The following CPB2 variants were observed in gnomAD, a reference collection of about 807,000 sequenced individuals.
The protein encoded by CPB2 is carboxypeptidase B-like protein.
In CPB2, 54 loss-of-function variants were observed where a neutral mutation model predicts 57.0. The ratio of observed to expected loss-of-function variants is 0.95; its 90% CI spans 0.76 to 1.19. The LOEUF (loss-of-function observed/expected upper bound fraction) is 1.19, where lower values mean the gene tolerates loss of function less well. Among genes scored for constraint, CPB2 ranks in the 50% most tolerant of loss-of-function variants. CPB2 has a pLI of 0.00. For missense variants in CPB2, 426 were observed against 512.0 expected (o/e 0.83, Z 1.62); for synonymous variants, 189 against 178.1 (o/e 1.06, Z -0.49).
chr13:46,095,155 C>G (rs183010589), intron 1 of CPB2, among the ~76,000 whole-genome samples: 1 of 152,222 alleles, frequency 6.6e-6, no homozygotes, highest in Admixed American at 6.5e-5. Context: ...TGGATTCCCC[C>G]ATCATTATTT....
intron 1 of CPB2, among the ~76,000 whole-genome samples, chr13:46,094,651 C>T (rs1041362996): frequency 4.6e-5 from 7 of 152,094 alleles, no homozygotes; most frequent in South Asian, 2.1e-4. Flanking sequence ...GCAGTAAGGT[C>T]GGAGTGGCAG....
At position 46,104,341 on chromosome 13, in the gene CPB2, A is replaced by G. The variant is rs1420404942; in HGVS notation, c.74+595T>C. On this transcript the variant is annotated intron_variant, in intron 1 of 10. Transcript: ENST00000181383. ...ATTACATTACATATACCCTGGAACTATTTTCTCCATGCATTGCATGTGCTA... is the reference window on the plus strand; with the variant it reads ...ATTACATTACATATACCCTGGAACTGTTTTCTCCATGCATTGCATGTGCTA... 2.6e-5 allele frequency among the ~76,000 whole-genome samples: 4 copies of G among 152,174 alleles called. No homozygotes were observed. In the East Asian group the frequency reaches 7.7e-4, roughly 29 times the overall value.
At chr13:46,061,931 A>C (rs2044778324) in intron 8 of CPB2, among the ~76,000 whole-genome samples, 1 of 152,128 alleles carries the variant, frequency 6.6e-6, no homozygotes, top group Non-Finnish European at 1.5e-5. Flanking sequence ...GAAAAGATTA[A>C]ATTCTTCTTT....
intron 5 of CPB2, among the ~76,000 whole-genome samples, chr13:46,074,203 A>G (rs2044986472): frequency 6.7e-6 from 1 of 149,690 alleles, no homozygotes. Context: ...GTTTGAAGCC[A>G]GGACTCTTTG....
chr13:46,057,962 G>A (rs954479358), intron 9 of CPB2, among the ~76,000 whole-genome samples: 3 of 56,026 alleles, frequency 5.4e-5, no homozygotes, highest in African/African-American at 3.1e-4. Context: ...GGAAGCCCAC[G>A]TGCTGAATAA....
intron 3 of CPB2, among the ~76,000 whole-genome samples, chr13:46,083,483 T>G (rs2045151094): frequency 6.6e-6 from 1 of 152,028 alleles, no homozygotes; most frequent in African/African-American, 2.4e-5. Flanking sequence ...GGGCACCCAT[T>G]GATACACAGA....
intron 4 of CPB2, among the ~76,000 whole-genome samples, chr13:46,080,651 G>C (rs1026425780): frequency 6.6e-6 from 1 of 152,084 alleles, no homozygotes; most frequent in South Asian, 2.1e-4. Context: ...TACAGAGAGA[G>C]ACCAGGGATG....
intron 1 of CPB2, among the ~76,000 whole-genome samples, chr13:46,092,068 A>G (rs2045301541): frequency 6.6e-6 from 1 of 152,068 alleles, no homozygotes; most frequent in Non-Finnish European, 1.5e-5. Context: ...TTTTTCTTTT[A>G]TTTTCAAACA....
intron 5 of CPB2, among the ~76,000 whole-genome samples, chr13:46,076,180 T>C (rs1458480910): frequency 1.3e-5 from 2 of 152,074 alleles, no homozygotes; most frequent in Non-Finnish European, 2.9e-5. Context: ...ATAAAAGGCA[T>C]CTAAATTGGA....
chr13:46,063,790 C>G (rs890691899), intron 8 of CPB2, among the ~76,000 whole-genome samples: 2 of 152,088 alleles, frequency 1.3e-5, no homozygotes, highest in Non-Finnish European at 2.9e-5. Flanking sequence ...TCAACATCAT[C>G]GAATGCCTTA....
intron 1 of CPB2, among the ~76,000 whole-genome samples, chr13:46,088,856 A>AT (rs1313343965): frequency 6.6e-6 from 1 of 151,744 alleles, no homozygotes; most frequent in African/African-American, 2.4e-5. Flanking sequence ...ATTTACTTGT[A>AT]TTTTTGTAGT....
At chr13:46,091,437 A>G (rs9534320) in intron 1 of CPB2, among the ~76,000 whole-genome samples, 112,703 of 152,152 alleles carry the variant, frequency 0.74, 41,935 homozygotes, top group East Asian at 0.81. Flanking sequence ...CATGATTCCT[A>G]ATTTTTAAGA....
chr13:46,082,975 AT>A lies in CPB2; in HGVS notation c.276-427del, dbSNP rs964836895. ...TTTTCTTTCTTTTTTTTTTTTTCTT[AT>A]TTTTTCCCCCATTGACCTGCATCAG... On this transcript the variant is annotated intron_variant, in intron 3 of 10. Coordinates refer to ENST00000181383, the MANE Select transcript of CPB2 (RefSeq NM_001872.5). 3.8e-4 allele frequency among the ~76,000 whole-genome samples: 51 copies of A among 134,170 alleles called. 3 individuals are homozygous for A. Among genetic ancestry groups the A allele is most frequent in the Middle Eastern group, 3.8e-3 (1 of 264 alleles). The allele number at this position is 134,170 out of a possible 152,430, so 88.0% of individuals were successfully genotyped here.
rs1358763449 is a variant in CPB2 at position 46,101,712 on chromosome 13, T to G, written c.74+3224A>C. 5.2e-5 allele frequency among the ~76,000 whole-genome samples: 5 copies of G among 95,592 alleles called. No homozygotes were observed. In the East Asian group the frequency reaches 2.8e-3, roughly 54 times the overall value. 62.7% of individuals were successfully genotyped at this position (95,592 alleles called of 152,430 possible). On this transcript the variant is annotated intron_variant, in intron 1 of 10. Coordinates refer to ENST00000181383, the MANE Select transcript of CPB2 (RefSeq NM_001872.5). Reference sequence around the variant, plus strand: ...AAGCACAGTGAAGTAACAGGTCACTTTACAAAAAAAAGTAAAGGCTGAAAG... The same window carrying G: ...AAGCACAGTGAAGTAACAGGTCACTGTACAAAAAAAAGTAAAGGCTGAAAG...
intron 1 of CPB2, among the ~76,000 whole-genome samples, chr13:46,092,587 G>C (rs2045308688): frequency 6.6e-6 from 1 of 152,172 alleles, no homozygotes; most frequent in African/African-American, 2.4e-5. Flanking sequence ...GTCATTATTA[G>C]CAAAGGCTTC....
Position 46,064,662 on chromosome 13 carries a change from G to A in CPB2, c.782C>T (p.Ser261Phe). 6.2e-7 allele frequency: 1 copy of A among 1,613,952 alleles called. No homozygotes were observed. Residue 261 changes from serine (S) to phenylalanine (F), a missense_variant, in exon 8 of 11, where the codon TCC becomes TTC. Ser to Phe is a radical substitution (Grantham distance 155). Transcript: ENST00000181383. ...IGTDLNRNFA[S>F]KHWCEEGASS... ...CAACAACCTACCACACCAGTGTTTG[G>A]AAGCAAAGTTCCTATTCAGGTCTGT...
At chr13:46,099,158 C>T (rs939341830) in intron 1 of CPB2, 5 of 151,984 alleles carry the variant, frequency 3.3e-5, no homozygotes, top group Admixed American at 6.6e-5. Flanking sequence ...TTTTGCTAAA[C>T]GAATTGGAGA....
chr13:46,091,614 A>G (rs1188108935), intron 1 of CPB2, among the ~76,000 whole-genome samples: 1 of 152,198 alleles, frequency 6.6e-6, no homozygotes, highest in Admixed American at 6.5e-5. Flanking sequence ...CTGGCTTAAT[A>G]TCTTAATGTG....
chr13:46,079,568 AAAG>A (rs1339831999), intron 4 of CPB2, among the ~76,000 whole-genome samples: 124 of 151,848 alleles, frequency 8.2e-4, no homozygotes, highest in Non-Finnish European at 1.6e-3. Flanking sequence ...AAAGAAAAGA[AAAG>A]AAAAAAATTC....
Sources: allele counts gnomAD v4.1 joint callset (sites outside exome capture counted in the v4.1 genomes callset), GRCh38; gene constraint gnomAD v4.1.1; transcripts MANE v1.5; gene names NCBI Gene and HGNC (gene_info 2026-07-23, HGNC 2026-07-21).